Variants in PRKCB observed in about 807,000 individuals in gnomAD.
PRKCB encodes the protein protein kinase C beta type.
In PRKCB, 13 loss-of-function variants were observed where a neutral mutation model predicts 81.5. The ratio of observed to expected loss-of-function variants is 0.16; its 90% CI spans 0.10 to 0.25. PRKCB has a LOEUF of 0.25. Ranked by LOEUF, PRKCB falls within the 10% of genes least tolerant of loss-of-function variation. The probability of loss-of-function intolerance (pLI) is 1.00; values close to 1 mark genes in which losing one functional copy is unlikely to be tolerated. For missense variants in PRKCB, 509 were observed against 875.7 expected (o/e 0.58, Z 5.29); for synonymous variants, 335 against 321.4 (o/e 1.04, Z -0.45).
At chr16:24,082,238 C>A (rs1966259230) in intron 5 of PRKCB, among the ~76,000 whole-genome samples, 1 of 151,996 alleles carries the variant, frequency 6.6e-6, no homozygotes, top group Non-Finnish European at 1.5e-5. Flanking sequence ...AAGAGATAAC[C>A]CATGTTCATG....
intron 9 of PRKCB, among the ~76,000 whole-genome samples, chr16:24,131,896 G>T (rs1019890690): frequency 1.1e-4 from 16 of 152,180 alleles, no homozygotes; most frequent in East Asian, 3.9e-4. Context: ...GATTACCATG[G>T]TATTTCTAAG....
intron 2 of PRKCB, among the ~76,000 whole-genome samples, chr16:23,844,117 T>C (rs757173322): frequency 2.0e-5 from 3 of 152,242 alleles, no homozygotes; most frequent in Non-Finnish European, 2.9e-5. Flanking sequence ...AACTCTGCAG[T>C]TCAATTAATT....
chr16:24,035,886 T>C (rs1198215744), intron 5 of PRKCB, among the ~76,000 whole-genome samples: 4 of 152,130 alleles, frequency 2.6e-5, no homozygotes, highest in Admixed American at 2.6e-4. Context: ...TTTTTAGTAA[T>C]CTTTTGGGAT....
At chr16:23,869,903 TC>T (rs1200691442) in intron 2 of PRKCB, among the ~76,000 whole-genome samples, 1 of 151,858 alleles carries the variant, frequency 6.6e-6, no homozygotes, top group East Asian at 1.9e-4. Context: ...AGGCCTGTAA[TC>T]CCAGCTACTC....
At chr16:24,086,034 T>C (rs1966306778) in intron 5 of PRKCB, among the ~76,000 whole-genome samples, 1 of 152,150 alleles carries the variant, frequency 6.6e-6, no homozygotes, top group South Asian at 2.1e-4. Context: ...AGACCCCACG[T>C]TTGCTGGTTT....
intron 5 of PRKCB, among the ~76,000 whole-genome samples, chr16:24,071,997 T>C (rs1966114015): frequency 6.6e-6 from 1 of 152,140 alleles, no homozygotes; most frequent in Non-Finnish European, 1.5e-5. Flanking sequence ...TACTTGTTTA[T>C]GGGCTGATTG....
At chr16:24,076,797 T>C (rs918532509) in intron 5 of PRKCB, among the ~76,000 whole-genome samples, 2 of 152,200 alleles carry the variant, frequency 1.3e-5, no homozygotes, top group Non-Finnish European at 2.9e-5. Context: ...TTTGCCTCTG[T>C]CTGGGCAGAG....
At chr16:24,002,768 G>T (rs187481829) in intron 3 of PRKCB, among the ~76,000 whole-genome samples, 1 of 152,238 alleles carries the variant, frequency 6.6e-6, no homozygotes, top group Admixed American at 6.5e-5. Context: ...GAGCATGCGG[G>T]GATGGGAGAC....
intron 2 of PRKCB, among the ~76,000 whole-genome samples, chr16:23,900,173 A>G (rs1242563138): frequency 6.6e-6 from 1 of 152,182 alleles, no homozygotes; most frequent in Non-Finnish European, 1.5e-5. Context: ...AGACAGCCTC[A>G]CAACAAAGAA....
chr16:24,215,797 T>G lies in PRKCB; in HGVS notation c.*981T>G, dbSNP rs1173853623. The G allele has an allele frequency of 1.0e-6, 1 of 985,636 alleles. No individual in the cohort carries two copies. Among genetic ancestry groups the G allele is most frequent in the African/African-American group, 1.7e-5 (1 of 57,224 alleles). 61.1% of individuals were successfully genotyped at this position (985,636 alleles called of 1,614,324 possible). ...CAGACTCAGGCCTGTGGGAATGGGA[T>G]TTGTTACAAATCTAGGTTTGTTACT... is the stretch of plus-strand genomic sequence containing the variant. On this transcript the variant is annotated 3_prime_UTR_variant, in exon 17 of 17. Coordinates refer to ENST00000643927, the MANE Select transcript of PRKCB (RefSeq NM_002738.7).
At chr16:24,032,697 G>A (rs1346827507) in intron 4 of PRKCB, among the ~76,000 whole-genome samples, 1 of 152,146 alleles carries the variant, frequency 6.6e-6, no homozygotes, top group Non-Finnish European at 1.5e-5. Flanking sequence ...ATGCACGGAG[G>A]TCACAGGGTC....
chr16:23,898,460 G>C (rs933439544), intron 2 of PRKCB, among the ~76,000 whole-genome samples: 19 of 152,116 alleles, frequency 1.2e-4, no homozygotes, highest in African/African-American at 4.6e-4. Context: ...TCCCATCATA[G>C]AGCTTGCCAT....
intron 5 of PRKCB, among the ~76,000 whole-genome samples, chr16:24,087,966 G>A (rs1713219182): frequency 6.6e-6 from 1 of 152,192 alleles, no homozygotes; most frequent in Non-Finnish European, 1.5e-5. Flanking sequence ...ACTTCCACCA[G>A]TGGGGACGTT....
chr16:24,052,401 C>T (rs575372334), intron 5 of PRKCB, among the ~76,000 whole-genome samples: 75 of 152,248 alleles, frequency 4.9e-4, no homozygotes, highest in African/African-American at 1.7e-3. Flanking sequence ...AGAAAGAATT[C>T]GAGGCAAATC....
At chr16:23,982,427 C>G (rs1284786545) in intron 2 of PRKCB, among the ~76,000 whole-genome samples, 1 of 146,068 alleles carries the variant, frequency 6.8e-6, no homozygotes, top group Non-Finnish European at 1.5e-5. Flanking sequence ...CTTCTCTTTT[C>G]TTTTTTTTCT....
chr16:23,985,730 G>A (rs1964795146), intron 2 of PRKCB, among the ~76,000 whole-genome samples: 1 of 152,068 alleles, frequency 6.6e-6, no homozygotes, highest in South Asian at 2.1e-4. Context: ...TGATTCTAAA[G>A]TTTACTTGGA....
At chr16:23,865,972 T>A (rs906371829) in intron 2 of PRKCB, among the ~76,000 whole-genome samples, 1 of 152,308 alleles carries the variant, frequency 6.6e-6, no homozygotes, top group Admixed American at 6.5e-5. Flanking sequence ...CCGGGCTCTA[T>A]GGGATCCTGT....
chr16:24,109,736 T>G (rs1263905069), intron 7 of PRKCB, among the ~76,000 whole-genome samples: 2 of 135,232 alleles, frequency 1.5e-5, no homozygotes, highest in African/African-American at 7.0e-5. Context: ...ATCTCGGCAC[T>G]TTGGGAGGCC....
At chr16:24,035,877 T>C (rs1057169185) in intron 5 of PRKCB, among the ~76,000 whole-genome samples, 6 of 152,144 alleles carry the variant, frequency 3.9e-5, no homozygotes, top group African/African-American at 1.2e-4. Flanking sequence ...TCCCACTCTT[T>C]TTTAGTAATC....
Sources: gnomAD v4.1 joint callset for allele counts (sites outside exome capture counted in the v4.1 genomes callset) on GRCh38, gnomAD v4.1.1 for gene constraint, MANE v1.5 for transcripts, NCBI Gene and HGNC (gene_info 2026-07-23, HGNC 2026-07-21) for gene names.